SRPK2: variants seen among roughly 807,000 people sequenced by gnomAD.
SRPK2 encodes the protein SFRS protein kinase 2.
SRPK2 carries 21 observed loss-of-function variants against 90.8 expected under a neutral mutation model. That is an observed-to-expected ratio of 0.23 (90% confidence interval 0.16 to 0.33). SRPK2 has a LOEUF of 0.33. Ranked by LOEUF, SRPK2 falls within the 10% of genes least tolerant of loss-of-function variation. The pLI, the probability that SRPK2 is intolerant of heterozygous loss-of-function variation, is 1.00. For synonymous variants in SRPK2, 288 were observed against 311.1 expected (o/e 0.93, Z 0.78); for missense variants, 620 against 869.0 (o/e 0.71, Z 3.60).
chr7:105,296,512 G>C (rs1373939293), intron 2 of SRPK2, among the ~76,000 whole-genome samples: 4 of 152,084 alleles, frequency 2.6e-5, no homozygotes, highest in Non-Finnish European at 4.4e-5. Context: ...GATTCCAAAT[G>C]CATCAAGCAT....
intron 3 of SRPK2, among the ~76,000 whole-genome samples, chr7:105,197,232 G>A (rs1035960012): frequency 3.3e-5 from 5 of 152,014 alleles, no homozygotes; most frequent in African/African-American, 9.7e-5. Flanking sequence ...ATGGGTAAAG[G>A]CAATTTGTGT....
Position 105,388,690 on chromosome 7 carries a change from T to G in SRPK2, c.29A>C (p.Gln10Pro), listed in dbSNP as rs139958323. The G allele has an allele frequency of 3.8e-6, 6 of 1,586,908 alleles. No homozygotes were observed. In the African/African-American group the frequency reaches 8.3e-5, roughly 22 times the overall value. The change falls in exon 2 of 16, where the codon CAG becomes CCG. Residue 10 changes from glutamine to proline, a missense_variant. Physicochemically the swap from Gln to Pro is moderately conservative, Grantham distance 76 (BLOSUM62 -1). Around this residue, in one of 8 missense-constraint regions of SRPK2, gnomAD observed 56 missense variants for 49.6 expected, o/e 1.13. Coordinates refer to ENST00000393651, the MANE Select transcript of SRPK2 (RefSeq NM_182692.3). MSSRKVLAIQARKRRPKREK... is the reference protein window; with the variant it reads MSSRKVLAIPARKRRPKREK... ...TCTTTTCGGCCTCCGCTTTCGGGCC[T>G]GAATGGCCAGCACTGGGGAAGAGAA... is the stretch of plus-strand genomic sequence containing the variant.
chr7:105,205,517 T>TCTCTCTCACACA (rs1491532268), intron 2 of SRPK2, among the ~76,000 whole-genome samples: 3 of 95,794 alleles, frequency 3.1e-5, no homozygotes, highest in African/African-American at 7.1e-5. Flanking sequence ...TCTCTCTCTC[T>TCTCTCTCACACA]CACACACACA....
intron 2 of SRPK2, among the ~76,000 whole-genome samples, chr7:105,307,420 T>C (rs1285205010): frequency 6.6e-6 from 1 of 152,236 alleles, no homozygotes; most frequent in African/African-American, 2.4e-5. Context: ...ACTTAGTCTG[T>C]TAAGCTGGTG....
chr7:105,259,518 T>C (rs1419632775), intron 2 of SRPK2, among the ~76,000 whole-genome samples: 2 of 151,976 alleles, frequency 1.3e-5, no homozygotes. Flanking sequence ...TTCTTCACAG[T>C]ATTGGGAAAA....
At chr7:105,255,013 A>C (rs1415746346) in intron 2 of SRPK2, among the ~76,000 whole-genome samples, 1 of 151,628 alleles carries the variant, frequency 6.6e-6, no homozygotes, top group Non-Finnish European at 1.5e-5. Context: ...TAGATCTTAG[A>C]CTAAAACAAA....
At chr7:105,197,688 A>G (rs1795083969) in intron 3 of SRPK2, among the ~76,000 whole-genome samples, 1 of 152,188 alleles carries the variant, frequency 6.6e-6, no homozygotes, top group African/African-American at 2.4e-5. Flanking sequence ...TAAATGTACA[A>G]TTCCACACTA....
At chr7:105,157,669 G>A (rs891350247) in intron 7 of SRPK2, among the ~76,000 whole-genome samples, 2 of 152,096 alleles carry the variant, frequency 1.3e-5, no homozygotes, top group East Asian at 3.8e-4. Context: ...ACAAAGTGCA[G>A]ACCACATGAC....
chr7:105,344,446 A>G (rs577238278), intron 2 of SRPK2, among the ~76,000 whole-genome samples: 2 of 123,128 alleles, frequency 1.6e-5, no homozygotes, highest in East Asian at 4.8e-4. Context: ...TAGAGATAGG[A>G]TATCACTATA....
At chr7:105,186,149 T>C (rs1793550363) in intron 3 of SRPK2, among the ~76,000 whole-genome samples, 1 of 152,232 alleles carries the variant, frequency 6.6e-6, no homozygotes, top group African/African-American at 2.4e-5. Context: ...ATGAATGTTG[T>C]ATCATTTGAC....
At position 105,170,836 on chromosome 7, in the gene SRPK2, G is replaced by GAAGAAAGAAAGAAAGAAAGA. The variant is rs749022069; in HGVS notation, c.230-1591_230-1572dup. 1.2e-4 allele frequency among the ~76,000 whole-genome samples: 5 copies of GAAGAAAGAAAGAAAGAAAGA among 40,188 alleles called. 1 individual carries two copies. Among genetic ancestry groups the GAAGAAAGAAAGAAAGAAAGA allele is most frequent in the African/African-American group, 4.9e-4 (4 of 8,202 alleles). The allele number at this position is 40,188 out of a possible 152,430, so 26.4% of individuals were successfully genotyped here. On this transcript the variant is annotated intron_variant, in intron 3 of 15. Transcript: ENST00000393651. ...GAGAGGGAGAGAAAGAGAAAGAAAG[G>GAAGAAAGAAAGAAAGAAAGA]AAGAAAGAAAGAAAGAAAGAAAGAA...
At chr7:105,276,083 TA>T (rs35543489) in intron 2 of SRPK2, among the ~76,000 whole-genome samples, 37,078 of 149,510 alleles carry the variant, frequency 0.25, 4,787 homozygotes, top group Middle Eastern at 0.3. Context: ...GATATATATA[TA>T]TTTTTTTTTT....
At position 105,255,795 on chromosome 7, in the gene SRPK2, G is replaced by A. The variant is rs117125423; in HGVS notation, c.72-52010C>T. Among the ~76,000 whole-genome samples, 427 of 152,190 alleles carry A rather than the reference G, an allele frequency of 2.8e-3. 11 individuals are homozygous for A. In the East Asian group the frequency reaches 0.055, roughly 19 times the overall value. ...AAAAATACAAAAATTAGCTGGACGT[G>A]CTGGTGGGCACCTGTAATCCCAGCT... On this transcript the variant is annotated intron_variant, in intron 2 of 15. Coordinates refer to ENST00000393651, the MANE Select transcript of SRPK2 (RefSeq NM_182692.3).
At chr7:105,263,000 G>A (rs2130088396) in intron 2 of SRPK2, among the ~76,000 whole-genome samples, 1 of 152,268 alleles carries the variant, frequency 6.6e-6, no homozygotes, top group Middle Eastern at 3.4e-3. Context: ...ACAAATGCAT[G>A]CAAGCTTCAT....
chr7:105,125,532 T>C (rs1801063394), intron 15 of SRPK2, among the ~76,000 whole-genome samples: 1 of 152,170 alleles, frequency 6.6e-6, no homozygotes, highest in African/African-American at 2.4e-5. Context: ...TTATAAATAA[T>C]ATACAGATTG....
intron 14 of SRPK2, among the ~76,000 whole-genome samples, chr7:105,126,602 G>A (rs778745433): frequency 6.6e-6 from 1 of 152,146 alleles, no homozygotes; most frequent in Non-Finnish European, 1.5e-5. Flanking sequence ...GTTTACAGAT[G>A]GCATTCAAGC....
intron 2 of SRPK2, among the ~76,000 whole-genome samples, chr7:105,383,289 G>A (rs1449473556): frequency 2.0e-5 from 3 of 150,428 alleles, no homozygotes; most frequent in African/African-American, 4.9e-5. Context: ...GGATGGTCTC[G>A]ATCTCCTGAC....
downstream of SRPK2, chr7:105,115,312 C>T (rs1395256884): frequency 5.3e-5 from 8 of 152,242 alleles, no homozygotes; most frequent in African/African-American, 1.9e-4. Flanking sequence ...ATGTATGGTC[C>T]AGGTATGGGA....
At chr7:105,134,258 G>C (rs963305203) in intron 11 of SRPK2, among the ~76,000 whole-genome samples, 3 of 152,132 alleles carry the variant, frequency 2.0e-5, no homozygotes, top group Non-Finnish European at 4.4e-5. Flanking sequence ...TGGATCATGG[G>C]GGCAGATTTC....
Sources: gnomAD v4.1 joint callset for allele counts (sites outside exome capture counted in the v4.1 genomes callset) on GRCh38, gnomAD v4.1.1 for gene constraint, gnomAD v4.1.1 regional missense constraint, MANE v1.5 for transcripts, NCBI Gene and HGNC (gene_info 2026-07-23, HGNC 2026-07-21) for gene names.